The following RAB7A variants were observed in gnomAD, a reference collection of about 807,000 sequenced individuals.
RAB7A encodes RAB7A, member RAS oncogene family, also known as ras-related protein Rab-7a.
In RAB7A, 2 loss-of-function variants were observed where a neutral mutation model predicts 24.5. That is an observed-to-expected ratio of 0.08 (90% CI 0.03 to 0.26). RAB7A has a LOEUF of 0.26. Among genes scored for constraint, RAB7A ranks in the 10% least tolerant of loss-of-function variants. RAB7A has a pLI of 1.00. For synonymous variants in RAB7A, 100 were observed against 95.9 expected, an observed-to-expected ratio of 1.04 and a Z score of -0.25; for missense variants, 118 against 255.7, an observed-to-expected ratio of 0.46 and a Z score of 3.67.
intron 5 of RAB7A, among the ~76,000 whole-genome samples, chr3:128,810,115 A>AT (rs1178664834): frequency 8.0e-5 from 12 of 150,850 alleles, no homozygotes; most frequent in African/African-American, 2.9e-4. Flanking sequence ...TGCCCAGCTA[A>AT]TTTTGGTAAT....
chr3:128,770,147 C>T (rs1444962166), intron 1 of RAB7A, among the ~76,000 whole-genome samples: 3 of 151,872 alleles, frequency 2.0e-5, no homozygotes, highest in Non-Finnish European at 1.5e-5. Flanking sequence ...GGACTACAGG[C>T]GCCTGCCACC....
intron 1 of RAB7A, among the ~76,000 whole-genome samples, chr3:128,755,512 A>G (rs935265908): frequency 3.3e-5 from 5 of 152,128 alleles, no homozygotes; most frequent in Non-Finnish European, 5.9e-5. Context: ...GAGATAAATA[A>G]AATAGAAAAA....
intron 3 of RAB7A, among the ~76,000 whole-genome samples, chr3:128,804,797 A>C (rs562707512): frequency 2.6e-5 from 4 of 152,222 alleles, no homozygotes; most frequent in African/African-American, 9.6e-5. Context: ...AAAGCTCTCT[A>C]TGCTAATGTT....
At chr3:128,765,031 G>T (rs956520757) in intron 1 of RAB7A, 1 of 1,451,602 alleles carries the variant, frequency 6.9e-7, no homozygotes, top group Non-Finnish European at 9.5e-7. Context: ...AGCAACTAAG[G>T]AGAGGTGGCG....
At chr3:128,747,515 GGCGGAGGTTGCAGTGA>G (rs1048314682) in intron 1 of RAB7A, among the ~76,000 whole-genome samples, 14 of 151,406 alleles carry the variant, frequency 9.2e-5, no homozygotes, top group African/African-American at 3.4e-4. Context: ...GAACCCAGGA[GGCGGAGGTTGCAGTGA>G]GCCGAGATCA....
chr3:128,733,974 A>G (rs958961828), intron 1 of RAB7A, among the ~76,000 whole-genome samples: 2 of 152,174 alleles, frequency 1.3e-5, no homozygotes, highest in African/African-American at 4.8e-5. Context: ...CTCTAATTTT[A>G]GTTCCCTCTG....
At chr3:128,803,157 G>A (rs1243631691) in intron 3 of RAB7A, among the ~76,000 whole-genome samples, 1 of 151,990 alleles carries the variant, frequency 6.6e-6, no homozygotes, top group Non-Finnish European at 1.5e-5. Flanking sequence ...ATTCTAGCTT[G>A]GGGGAACCAG....
At chr3:128,749,658 A>G (rs891992237) in intron 1 of RAB7A, among the ~76,000 whole-genome samples, 5 of 152,118 alleles carry the variant, frequency 3.3e-5, no homozygotes, top group African/African-American at 7.2e-5. Context: ...TGTTCTCATG[A>G]TAGTGGATAA....
At chr3:128,738,258 C>G (rs2070512552) in intron 1 of RAB7A, among the ~76,000 whole-genome samples, 1 of 152,092 alleles carries the variant, frequency 6.6e-6, no homozygotes, top group Non-Finnish European at 1.5e-5. Context: ...TCCCAAACTT[C>G]TGGGCTCAAG....
At chr3:128,775,416 C>T (rs943850128) in intron 1 of RAB7A, among the ~76,000 whole-genome samples, 4 of 152,194 alleles carry the variant, frequency 2.6e-5, no homozygotes, top group Non-Finnish European at 5.9e-5. Flanking sequence ...TAACATCCCT[C>T]GCCTCTTCCC....
chr3:128,773,640 A>G (rs890735532), intron 1 of RAB7A, among the ~76,000 whole-genome samples: 2 of 152,248 alleles, frequency 1.3e-5, no homozygotes, highest in Admixed American at 6.5e-5. Context: ...GCGGTTTTGC[A>G]GAATAGAAAA....
intron 1 of RAB7A, among the ~76,000 whole-genome samples, chr3:128,734,522 T>G (rs1350814207): frequency 1.3e-5 from 2 of 150,154 alleles, no homozygotes; most frequent in African/African-American, 4.9e-5. Context: ...GTCCAGTGAA[T>G]GAGCAGTTAG....
chr3:128,780,697 T>TG (rs1378773586), intron 1 of RAB7A, among the ~76,000 whole-genome samples: 1 of 152,132 alleles, frequency 6.6e-6, no homozygotes, highest in Non-Finnish European at 1.5e-5. Flanking sequence ...CAGATTTAAG[T>TG]GGGGCCAGAA....
intron 1 of RAB7A, among the ~76,000 whole-genome samples, chr3:128,732,966 A>G (rs1283848531): frequency 2.0e-5 from 3 of 152,214 alleles, no homozygotes; most frequent in Non-Finnish European, 1.5e-5. Context: ...TCATAGGAAT[A>G]GCTGTATTTT....
intron 1 of RAB7A, among the ~76,000 whole-genome samples, chr3:128,780,211 T>A (rs1416651062): frequency 6.6e-6 from 1 of 152,224 alleles, no homozygotes; most frequent in African/African-American, 2.4e-5. Flanking sequence ...TTTATGACCC[T>A]GATGTTAGAA....
intron 1 of RAB7A, among the ~76,000 whole-genome samples, chr3:128,769,646 C>T (rs2070865824): frequency 6.6e-6 from 1 of 152,172 alleles, no homozygotes; most frequent in Non-Finnish European, 1.5e-5. Context: ...TCCAATTTGT[C>T]AATCCTTCTA....
intron 1 of RAB7A, among the ~76,000 whole-genome samples, chr3:128,746,340 A>G (rs1216128938): frequency 6.6e-6 from 1 of 150,866 alleles, no homozygotes; most frequent in Admixed American, 6.6e-5. Context: ...TGGCTCAATC[A>G]TAGCTCACTG....
rs1429028400 is a variant in RAB7A at position 128,813,595 on chromosome 3, ACACACACG to A, written c.*181_*188del. The A allele has an allele frequency of 1.7e-6, 1 of 590,886 alleles. No homozygotes were observed. Among genetic ancestry groups the A allele is most frequent in the South Asian group, 1.6e-5 (1 of 61,116 alleles). 36.6% of individuals were successfully genotyped at this position (590,886 alleles called of 1,614,324 possible). ...CACCCCACATATCTCTCACACACAC[ACACACACG>A]CACACACACACACACAGATCTGACG... On this transcript the variant is annotated 3_prime_UTR_variant, in exon 6 of 6. Coordinates refer to ENST00000265062, the MANE Select transcript of RAB7A (RefSeq NM_004637.6).
chr3:128,753,986 A>G (rs1317697173), intron 1 of RAB7A, among the ~76,000 whole-genome samples: 1 of 152,060 alleles, frequency 6.6e-6, no homozygotes, highest in African/African-American at 2.4e-5. Flanking sequence ...AGGAACACAA[A>G]CACTAAAACT....
Sources: gnomAD v4.1 joint callset for allele counts (sites outside exome capture counted in the v4.1 genomes callset) on GRCh38, gnomAD v4.1.1 for gene constraint, MANE v1.5 for transcripts, NCBI Gene and HGNC (gene_info 2026-07-23, HGNC 2026-07-21) for gene names.